FRMPD3: variants seen among roughly 807,000 people sequenced by gnomAD.
FRMPD3 encodes the protein FERM and PDZ domain containing 3.
A neutral mutation model predicts 97.9 loss-of-function variants in FRMPD3; 42 were observed. The observed-to-expected ratio is 0.43, with a 90% CI of 0.34 to 0.55. The LOEUF is 0.55. Ranked by LOEUF, FRMPD3 falls within the 20% of genes least tolerant of loss-of-function variation. The probability of loss-of-function intolerance (pLI) is 0.03; values close to 1 mark genes in which losing one functional copy is unlikely to be tolerated. For synonymous variants in FRMPD3, 577 were observed against 581.1 expected (o/e 0.99, Z 0.10); for missense variants, 1,303 against 1,457.7 (o/e 0.89, Z 1.73).
chrX:107,575,290 A>C (rs1741601899), intron 12 of FRMPD3, among the ~76,000 whole-genome samples: 1 of 112,105 alleles, frequency 8.9e-6, no homozygotes, highest in Admixed American at 9.5e-5. Context: ...CCAGTGCACA[A>C]CTATATATTA....
At chrX:107,457,291 G>C (rs1931392600) in intron 1 of FRMPD3, among the ~76,000 whole-genome samples, 1 of 111,181 alleles carries the variant, frequency 9.0e-6, no homozygotes, top group African/African-American at 3.3e-5. Context: ...CTAAACATTT[G>C]ATAATGTTTG....
intron 13 of FRMPD3, among the ~76,000 whole-genome samples, chrX:107,577,180 A>T (rs1435964649): frequency 9.6e-6 from 1 of 104,348 alleles, no homozygotes; most frequent in African/African-American, 3.5e-5. Context: ...AAAAAAAAAA[A>T]AAAAAAAAAA....
At chrX:107,517,535 G>A (rs1034097416) in intron 1 of FRMPD3, among the ~76,000 whole-genome samples, 12 of 111,151 alleles carry the variant, frequency 1.1e-4, no homozygotes, top group East Asian at 5.7e-4. Flanking sequence ...CAAGGAGGGC[G>A]GATCACCTGA....
chrX:107,580,292 A>G (rs1219465765), intron 13 of FRMPD3, among the ~76,000 whole-genome samples: 1 of 111,904 alleles, frequency 8.9e-6, no homozygotes, highest in Non-Finnish European at 1.9e-5. Flanking sequence ...TATTTGCAAT[A>G]TGGGAGGCAT....
intron 4 of FRMPD3, chrX:107,544,736 C>A (rs193231409): frequency 8.9e-6 from 1 of 111,795 alleles, no homozygotes; most frequent in Non-Finnish European, 1.9e-5. Context: ...CCAGGAAAGG[C>A]TTAGTTTCCA....
At chrX:107,529,801 G>T (rs1922854607) in intron 2 of FRMPD3, among the ~76,000 whole-genome samples, 1 of 111,458 alleles carries the variant, frequency 9.0e-6, no homozygotes, top group Non-Finnish European at 1.9e-5. Flanking sequence ...CAAGTAAGAA[G>T]ATCCTTCCTC....
At chrX:107,592,092 G>A (rs1924217) in intron 13 of FRMPD3, among the ~76,000 whole-genome samples, 17,844 of 104,960 alleles carry the variant, frequency 0.17, 3,331 homozygotes, top group African/African-American at 0.55. Context: ...ACCCCCTCCC[G>A]CCCTTCCCCG....
intron 13 of FRMPD3, among the ~76,000 whole-genome samples, chrX:107,595,683 A>G (rs1924133934): frequency 9.0e-6 from 1 of 110,930 alleles, no homozygotes; most frequent in African/African-American, 3.3e-5. Context: ...CACGCCTGTA[A>G]TCCCTGCATT....
chrX:107,485,991 C>A, intron 1 of FRMPD3, among the ~76,000 whole-genome samples: 1 of 112,122 alleles, frequency 8.9e-6, no homozygotes, highest in East Asian at 2.8e-4. Context: ...TCTCTGGCCG[C>A]GACTAAACTG....
At chrX:107,598,300 T>C (rs1569430296) in intron 14 of FRMPD3, among the ~76,000 whole-genome samples, 158 bp downstream of exon 14, 1 of 112,036 alleles carries the variant, frequency 8.9e-6, no homozygotes, top group East Asian at 2.8e-4. Context: ...AGAGGAGCAA[T>C]GATGTTACAG....
chrX:107,560,913 T>A, intron 10 of FRMPD3, 60 bp downstream of exon 10: 1 of 1,113,020 alleles, frequency 9.0e-7, no homozygotes. Flanking sequence ...AGGGAGATCC[T>A]GGGTGGTTTC....
chrX:107,482,203 A>G (rs1368870442), intron 1 of FRMPD3, among the ~76,000 whole-genome samples: 1 of 111,429 alleles, frequency 9.0e-6, no homozygotes, highest in Non-Finnish European at 1.9e-5. Flanking sequence ...GTCTTCCCAC[A>G]GCAAGGTGGC....
At chrX:107,490,761 T>C (rs750986263) in intron 1 of FRMPD3, among the ~76,000 whole-genome samples, 1 of 112,042 alleles carries the variant, frequency 8.9e-6, no homozygotes, top group South Asian at 3.8e-4. Context: ...CCTGTGTGTG[T>C]GAAATGGTAA....
chrX:107,593,451 G>A (rs1441726887), intron 13 of FRMPD3, among the ~76,000 whole-genome samples: 4 of 111,648 alleles, frequency 3.6e-5, no homozygotes, highest in Non-Finnish European at 7.5e-5. Flanking sequence ...TTGGGTTCCT[G>A]GTCATGAAAT....
rs150123020 is a variant in FRMPD3 at position 107,556,847 on chromosome X, G to C, written c.762+2343G>C. Reference sequence around the variant, plus strand: ...AGTATTTCATGGTGTGGATATTCCAGAATGTGTTTATTAATTCACCTGTTG... The same window carrying C: ...AGTATTTCATGGTGTGGATATTCCACAATGTGTTTATTAATTCACCTGTTG... On this transcript the variant is annotated intron_variant, in intron 8 of 14. Transcript: ENST00000683843. 9.6e-4 allele frequency among the ~76,000 whole-genome samples: 108 copies of C among 112,129 alleles called. 1 individual carries two copies. In the East Asian group the frequency reaches 0.022, roughly 23 times the overall value.
Position 107,449,903 on chromosome X carries a change from CCGCCGCCGCCGCCGCCGCTG to C in FRMPD3, c.-100_-81del, listed in dbSNP as rs1396453884. On this transcript the variant is annotated 5_prime_UTR_variant, in exon 1 of 15. Transcript: ENST00000683843. ...CACGGGTGCCCTAGTCCCGCTGCCG[CCGCCGCCGCCGCCGCCGCTG>C]CGCCGCCGCTGCCGCGCCGCTGAGG... 9.2e-6 allele frequency among the ~76,000 whole-genome samples: 1 copy of C among 109,144 alleles called. No individual in the cohort carries two copies. The highest frequency in any genetic ancestry group is 3.3e-5 in the African/African-American group (1 of 30,412). 94.8% of individuals were successfully genotyped at this position (109,144 alleles called of 115,157 possible).
At chrX:107,496,511 CA>C (rs772983779) in intron 1 of FRMPD3, among the ~76,000 whole-genome samples, 1 of 112,206 alleles carries the variant, frequency 8.9e-6, no homozygotes, top group East Asian at 2.8e-4. Context: ...AAAGGTTAGT[CA>C]GGAAGACAGA....
chrX:107,568,711 G>A (rs1355890320), intron 12 of FRMPD3, among the ~76,000 whole-genome samples: 1 of 109,266 alleles, frequency 9.2e-6, no homozygotes, highest in Non-Finnish European at 1.9e-5. Flanking sequence ...CCCAGCCTGG[G>A]GGACAAAGTG....
intron 1 of FRMPD3, among the ~76,000 whole-genome samples, chrX:107,450,515 G>T (rs1036353890): frequency 1.9e-5 from 2 of 104,727 alleles, no homozygotes; most frequent in Non-Finnish European, 3.9e-5. Context: ...ACACACAGCC[G>T]CACAACATAC....
Sources: allele counts gnomAD v4.1 joint callset (sites outside exome capture counted in the v4.1 genomes callset), GRCh38; gene constraint gnomAD v4.1.1; transcripts MANE v1.5; gene names NCBI Gene and HGNC (gene_info 2026-07-23, HGNC 2026-07-21).